Variants in FAM107B observed in about 807,000 individuals in gnomAD.
FAM107B encodes the protein protein FAM107B.
In FAM107B, 21 loss-of-function variants were observed where a neutral mutation model predicts 31.5. The ratio of observed to expected loss-of-function variants is 0.67; its 90% CI spans 0.47 to 0.96. The LOEUF is 0.96. Ranked by LOEUF, FAM107B falls within the 40% of genes least tolerant of loss-of-function variation. FAM107B has a pLI of 0.00. For synonymous variants in FAM107B, 157 were observed against 141.5 expected (o/e 1.11, Z -0.78); for missense variants, 452 against 377.1 (o/e 1.20, Z -1.64).
In FAM107B at chr10:14,530,432, C is replaced by CATCT; in HGVS notation, c.549_552dup (p.Asp185ArgfsTer2). On this transcript the variant is annotated frameshift_variant, in exon 3 of 5. Transcript: ENST00000181796. LOFTEE classifies it high-confidence loss of function. ...TGAGGCCTAATGAGTTCAGGATTGT[C>CATCT]ATCTTCTATGTAGTCTGGCTCGGCC... 2 of 1,614,060 alleles carry CATCT rather than the reference C, an allele frequency of 1.2e-6. No individual in the cohort carries two copies. Among genetic ancestry groups the CATCT allele is most frequent in the Non-Finnish European group, 1.7e-6 (2 of 1,180,008 alleles).
chr10:14,676,655 A>G (rs745462088), intron 1 of FAM107B, among the ~76,000 whole-genome samples: 6 of 150,490 alleles, frequency 4.0e-5, no homozygotes, highest in South Asian at 2.1e-4. Context: ...ACCCCATTCT[A>G]TCTTTATTCT....
chr10:14,771,923 A>G (rs1052533045), intron 1 of FAM107B, among the ~76,000 whole-genome samples: 2 of 152,256 alleles, frequency 1.3e-5, no homozygotes, highest in African/African-American at 2.4e-5. Context: ...GAAGCACATT[A>G]TAATTCAGAG....
chr10:14,678,117 G>A (rs1398688252), intron 1 of FAM107B, among the ~76,000 whole-genome samples: 6 of 152,144 alleles, frequency 3.9e-5, no homozygotes, highest in Non-Finnish European at 7.3e-5. Flanking sequence ...TAGGTGGTCC[G>A]GAGTCTGTGC....
chr10:14,607,616 T>C (rs1852627083), intron 2 of FAM107B, among the ~76,000 whole-genome samples: 1 of 152,216 alleles, frequency 6.6e-6, no homozygotes, highest in Non-Finnish European at 1.5e-5. Flanking sequence ...TCTGATATAC[T>C]GTAGATTTCA....
In FAM107B at chr10:14,667,792, A is replaced by C. The variant is rs146341864; in HGVS notation, c.412-101T>G. The C allele has an allele frequency of 6.3e-4, 790 of 1,245,398 alleles. 9 individuals carry two copies. In the East Asian group the frequency reaches 0.012, roughly 19 times the overall value. The allele number at this position is 1,245,398 out of a possible 1,614,324, so 77.1% of individuals were successfully genotyped here. On this transcript the variant is annotated intron_variant, in intron 1 of 4. Transcript: ENST00000181796. The stretch of plus-strand genomic sequence containing the variant: ...CAAGCCTACTAATTAATATGAGATC[A>C]AGACTTGAAAAACTTAAACCACACC...
chr10:14,656,773 C>T (rs1023567828), intron 2 of FAM107B, among the ~76,000 whole-genome samples: 16 of 151,352 alleles, frequency 1.1e-4, no homozygotes, highest in African/African-American at 3.1e-4. Flanking sequence ...AGTGTAGAAA[C>T]GCAGCTTGCA....
chr10:14,551,093 G>A (rs1344572059), intron 2 of FAM107B, among the ~76,000 whole-genome samples: 1 of 152,204 alleles, frequency 6.6e-6, no homozygotes, highest in Non-Finnish European at 1.5e-5. Context: ...CATGAAAAAT[G>A]AGACAATTCT....
intron 1 of FAM107B, among the ~76,000 whole-genome samples, chr10:14,751,555 T>G (rs1406911506): frequency 6.6e-6 from 1 of 151,128 alleles, no homozygotes; most frequent in African/African-American, 2.4e-5. Context: ...CAGGCTGGAG[T>G]GCAGTGATGT....
chr10:14,670,676 C>A lies in FAM107B; in HGVS notation c.412-2985G>T, dbSNP rs191112818. Among the ~76,000 whole-genome samples, 517 of 152,326 alleles carry A rather than the reference C, an allele frequency of 3.4e-3. 3 individuals carry two copies. The highest frequency in any genetic ancestry group is 0.017 in the South Asian group (80 of 4,828). ...AATAACATAGCCCTTTAGCTCTTCT[C>A]CAAACATATTTATTACTCCATCTTA... On this transcript the variant is annotated intron_variant, in intron 1 of 4. Coordinates refer to ENST00000181796, the MANE Select transcript of FAM107B (RefSeq NM_031453.4).
chr10:14,736,594 C>T (rs1588742902), intron 1 of FAM107B, among the ~76,000 whole-genome samples: 1 of 152,178 alleles, frequency 6.6e-6, no homozygotes, highest in Admixed American at 6.5e-5. Context: ...ATCACTCAAT[C>T]TCCTTCATTG....
rs140376227 is a variant in FAM107B, at chr10:14,567,531, G to C, written c.470-37016C>G. On this transcript the variant is annotated intron_variant, in intron 2 of 4. Coordinates refer to ENST00000181796, the MANE Select transcript of FAM107B (RefSeq NM_031453.4). The stretch of plus-strand genomic sequence containing the variant: ...TGAGGCCCTGGTGAGGCAGAGATCA[G>C]GATCATAGAGAGGCAACTGTGTAAC... Among the ~76,000 whole-genome samples the C allele has an allele frequency of 7.2e-5, 11 of 152,274 alleles. No homozygotes were observed. In the East Asian group the frequency reaches 2.1e-3, roughly 29 times the overall value.
chr10:14,567,108 G>A (rs150180131), intron 2 of FAM107B, among the ~76,000 whole-genome samples: 2,925 of 152,266 alleles, frequency 0.019, 97 homozygotes, highest in African/African-American at 0.067. Context: ...AGCCAAGATC[G>A]TGCCACTGCA....
chr10:14,536,451 G>A (rs1437138238), intron 2 of FAM107B, among the ~76,000 whole-genome samples: 2 of 152,180 alleles, frequency 1.3e-5, no homozygotes, highest in Non-Finnish European at 2.9e-5. Flanking sequence ...TACGTAAGGT[G>A]GAGGCGGCAA....
At chr10:14,542,648 C>G (rs1295498197) in intron 2 of FAM107B, 1 of 152,174 alleles carries the variant, frequency 6.6e-6, no homozygotes, top group African/African-American at 2.4e-5. Flanking sequence ...GGTCAACCCA[C>G]GCTTTGAACA....
intron 2 of FAM107B, among the ~76,000 whole-genome samples, chr10:14,574,053 A>T (rs140277818): frequency 2.7e-4 from 41 of 152,324 alleles, no homozygotes; most frequent in African/African-American, 9.4e-4. Context: ...TTAAGGGTTC[A>T]GCTTCCAAGC....
chr10:14,731,319 T>TG (rs1856167640), intron 1 of FAM107B, among the ~76,000 whole-genome samples: 1 of 152,088 alleles, frequency 6.6e-6, no homozygotes, highest in Non-Finnish European at 1.5e-5. Flanking sequence ...CCCAGCAGTA[T>TG]GGGGGGCCGA....
rs1235079802 is a variant in FAM107B, at chr10:14,630,992, T to C, written c.469+36642A>G. ...AAATGGTTTACCTAATGGACTTTTA[T>C]TATTTTACATTTATTGAGAGCCAGT... On this transcript the variant is annotated intron_variant, in intron 2 of 4. Coordinates refer to ENST00000181796, the MANE Select transcript of FAM107B (RefSeq NM_031453.4). Among the ~76,000 whole-genome samples the C allele has an allele frequency of 4.6e-5, 7 of 152,306 alleles. No individual in the cohort carries two copies. The East Asian group carries it at 1.3e-3, about 29-fold the overall frequency.
At chr10:14,598,082 A>G (rs147325305) in intron 2 of FAM107B, among the ~76,000 whole-genome samples, 147 of 152,242 alleles carry the variant, frequency 9.7e-4, no homozygotes, top group African/African-American at 3.5e-3. Context: ...TTAACCCCTT[A>G]TTGGATATGT....
intron 2 of FAM107B, chr10:14,572,318 C>G: frequency 4.1e-6 from 4 of 985,412 alleles, no homozygotes; most frequent in Non-Finnish European, 4.8e-6. Context: ...CAAATATGCA[C>G]GCAGACTCTC....
Sources: allele counts gnomAD v4.1 joint callset (sites outside exome capture counted in the v4.1 genomes callset), GRCh38; gene constraint gnomAD v4.1.1; transcripts MANE v1.5; gene names NCBI Gene and HGNC (gene_info 2026-07-23, HGNC 2026-07-21).